The following LOXL2 variants were observed in gnomAD, a reference collection of about 807,000 sequenced individuals.
LOXL2 encodes the protein lysyl oxidase homolog 2.
Under a neutral mutation model 93.0 loss-of-function variants are expected in LOXL2, and 70 were observed. The ratio of observed to expected loss-of-function variants is 0.75; its 90% CI spans 0.62 to 0.92. The LOEUF (loss-of-function observed/expected upper bound fraction) is 0.92. Ranked by LOEUF, LOXL2 falls within the 40% of genes least tolerant of loss-of-function variation. The probability of loss-of-function intolerance (pLI) is 0.00; values close to 1 mark genes in which losing one functional copy is unlikely to be tolerated. For missense variants in LOXL2, 973 were observed against 1,054.9 expected (o/e 0.92, Z 1.08); for synonymous variants, 438 against 413.2 (o/e 1.06, Z -0.73).
chr8:23,307,667 C>G (rs566242220), intron 10 of LOXL2, among the ~76,000 whole-genome samples: 1 of 152,242 alleles, frequency 6.6e-6, no homozygotes, highest in South Asian at 2.1e-4. Flanking sequence ...GACCCATAGG[C>G]AGCGTCAGCC....
chr8:23,360,740 G>T (rs1804275715), intron 2 of LOXL2, among the ~76,000 whole-genome samples: 1 of 152,124 alleles, frequency 6.6e-6, no homozygotes, highest in Non-Finnish European at 1.5e-5. Context: ...TAAAAATAGT[G>T]ATGATGATGA....
intron 1 of LOXL2, among the ~76,000 whole-genome samples, chr8:23,384,178 G>T (rs1479025549): frequency 6.6e-6 from 1 of 152,144 alleles, no homozygotes; most frequent in Admixed American, 6.5e-5. Context: ...TCTCACCCTA[G>T]CAGATAATCA....
At chr8:23,342,633 A>G (rs138440472) in intron 3 of LOXL2, among the ~76,000 whole-genome samples, 9,013 of 152,126 alleles carry the variant, frequency 0.059, 401 homozygotes, top group Non-Finnish European at 0.091. Context: ...GGGTTTCACC[A>G]TGTTAGCCAG....
chr8:23,322,162 A>G lies in LOXL2; in HGVS notation c.1270T>C (p.Cys424Arg). 6.2e-7 allele frequency: 1 copy of G among 1,614,200 alleles called. No homozygotes were observed. ...TGCAAGCCCATGGCAGGGGTGTTGC[A>G]TCTCACACCAGCATCCTCCTCGTGG... is the stretch of plus-strand genomic sequence containing the variant. ...CNHEEDAGVR[C>R]NTPAMGLQKK... is the part of the protein sequence containing the mutation. The change falls in exon 7 of 14, where the codon TGC (cysteine) becomes CGC (arginine). Residue 424 changes from cysteine to arginine, a missense_variant. Physicochemically the swap from Cys to Arg is radical, Grantham distance 180. Transcript: ENST00000389131.
At chr8:23,303,650 C>T (rs1265297497) in intron 10 of LOXL2, among the ~76,000 whole-genome samples, 2 of 152,136 alleles carry the variant, frequency 1.3e-5, no homozygotes, top group African/African-American at 4.8e-5. Flanking sequence ...GAATGATCAT[C>T]GTAATGCATG....
chr8:23,377,894 A>G (rs1284339365), intron 1 of LOXL2, among the ~76,000 whole-genome samples: 2 of 152,060 alleles, frequency 1.3e-5, no homozygotes, highest in African/African-American at 2.4e-5. Flanking sequence ...TCTTTATCCA[A>G]TTTGCCAGTC....
intron 1 of LOXL2, among the ~76,000 whole-genome samples, chr8:23,377,896 T>C (rs1357862559): frequency 1.3e-5 from 2 of 152,196 alleles, no homozygotes; most frequent in South Asian, 2.1e-4. Context: ...TTTATCCAAT[T>C]TGCCAGTCTG....
chr8:23,301,300 G>A (rs1418769228), intron 12 of LOXL2, among the ~76,000 whole-genome samples: 1 of 152,312 alleles, frequency 6.6e-6, no homozygotes, highest in African/African-American at 2.4e-5. Context: ...GGGACACAAT[G>A]CCCCTTTTCT....
intron 3 of LOXL2, among the ~76,000 whole-genome samples, chr8:23,351,438 T>C (rs985358041): frequency 1.7e-4 from 26 of 152,166 alleles, no homozygotes; most frequent in Non-Finnish European, 2.9e-4. Context: ...CTCATTCACC[T>C]CTCTCTTCTC....
chr8:23,379,590 C>T (rs376934686), intron 1 of LOXL2, among the ~76,000 whole-genome samples: 7 of 152,096 alleles, frequency 4.6e-5, no homozygotes, highest in East Asian at 1.9e-4. Context: ...GCACCCAGTT[C>T]GAGCTTCCCA....
rs1800185591 is a variant in LOXL2, at chr8:23,403,972, A to G, written c.-102T>C. The G allele has an allele frequency of 6.0e-6, 1 of 166,124 alleles. No individual in the cohort carries two copies. 10.3% of individuals were successfully genotyped at this position (166,124 alleles called of 1,614,324 possible). A position where few individuals can be genotyped will look rare whatever the true frequency, so the allele number is the denominator to read the frequency against. ...CTCTTACTTGGTTTCAGGGATCCGC[A>G]GTGGCCGGGCTGGGACCGCGCTCTC... On this transcript the variant is annotated 5_prime_UTR_variant, in exon 1 of 14. Transcript: ENST00000389131.
intron 12 of LOXL2, among the ~76,000 whole-genome samples, chr8:23,299,994 C>T (rs1397616177): frequency 6.6e-6 from 1 of 152,226 alleles, no homozygotes; most frequent in Admixed American, 6.5e-5. Flanking sequence ...GGTACATGCC[C>T]TGCTCCGGGG....
intron 1 of LOXL2, among the ~76,000 whole-genome samples, chr8:23,392,597 T>C (rs1804861722): frequency 6.6e-6 from 1 of 152,172 alleles, no homozygotes; most frequent in Non-Finnish European, 1.5e-5. Context: ...TGGCTCCCAC[T>C]ACCAGTGACA....
intron 9 of LOXL2, among the ~76,000 whole-genome samples, chr8:23,315,292 T>C (rs1180080353): frequency 6.6e-6 from 1 of 151,402 alleles, no homozygotes; most frequent in Admixed American, 6.6e-5. Flanking sequence ...TTCTAGCATA[T>C]GCAGTTGGTG....
At chr8:23,368,772 G>A (rs1309944364) in intron 1 of LOXL2, among the ~76,000 whole-genome samples, 2 of 152,138 alleles carry the variant, frequency 1.3e-5, no homozygotes, top group South Asian at 2.1e-4. Context: ...TAGGGCTGGC[G>A]ACTCAGAGGG....
intron 1 of LOXL2, among the ~76,000 whole-genome samples, chr8:23,377,206 T>C (rs2117222228): frequency 6.6e-6 from 1 of 152,254 alleles, no homozygotes; most frequent in Admixed American, 6.5e-5. Flanking sequence ...TACCCAGTAG[T>C]CATTCAGGAG....
intron 3 of LOXL2, among the ~76,000 whole-genome samples, chr8:23,346,173 T>TAAAAC: frequency 9.4e-6 from 1 of 106,912 alleles, no homozygotes; most frequent in South Asian, 2.8e-4. Context: ...TAAAATAAAA[T>TAAAAC]AAATAAAATA....
intron 1 of LOXL2, among the ~76,000 whole-genome samples, chr8:23,401,776 T>C (rs1158079030): frequency 6.6e-6 from 1 of 152,182 alleles, no homozygotes; most frequent in Non-Finnish European, 1.5e-5. Flanking sequence ...GGACAAGGAC[T>C]TGGGAAGAGG....
intron 1 of LOXL2, among the ~76,000 whole-genome samples, chr8:23,380,792 C>T (rs1031913132): frequency 1.3e-5 from 2 of 151,990 alleles, no homozygotes; most frequent in Admixed American, 6.6e-5. Context: ...GGTGGCCAAT[C>T]GCTTGAGGTC....
Sources: allele counts gnomAD v4.1 joint callset (sites outside exome capture counted in the v4.1 genomes callset), GRCh38; gene constraint gnomAD v4.1.1; transcripts MANE v1.5; gene names NCBI Gene and HGNC (gene_info 2026-07-23, HGNC 2026-07-21).